The following CNTNAP5 variants were observed in gnomAD, a reference collection of about 807,000 sequenced individuals.
The protein encoded by CNTNAP5 is contactin associated protein family member 5, also known as contactin-associated protein-like 5.
Under a neutral mutation model 150.2 loss-of-function variants are expected in CNTNAP5, and 72 were observed. The ratio of observed to expected loss-of-function variants is 0.48; its 90% CI spans 0.40 to 0.58. The LOEUF is 0.58. CNTNAP5 is among the 20% of genes least tolerant of loss of function. The probability of loss-of-function intolerance (pLI) is 0.00; values close to 1 mark genes in which losing one functional copy is unlikely to be tolerated. For missense variants in CNTNAP5, 1,636 were observed against 1,626.2 expected, an observed-to-expected ratio of 1.01 and a Z score of -0.10; for synonymous variants, 672 against 619.8, an observed-to-expected ratio of 1.08 and a Z score of -1.25.
intron 1 of CNTNAP5, among the ~76,000 whole-genome samples, chr2:124,079,642 G>T (rs1257636959): frequency 6.6e-6 from 1 of 152,152 alleles, no homozygotes. Flanking sequence ...GAAAATATCA[G>T]AAGTGTGTGG....
At chr2:124,344,653 G>A (rs1424949131) in intron 3 of CNTNAP5, among the ~76,000 whole-genome samples, 2 of 152,162 alleles carry the variant, frequency 1.3e-5, no homozygotes, top group Non-Finnish European at 2.9e-5. Flanking sequence ...CTCCTCAGGA[G>A]GCTAAGGCAG....
intron 11 of CNTNAP5, among the ~76,000 whole-genome samples, chr2:124,583,398 T>G (rs1385006555): frequency 6.6e-6 from 1 of 152,238 alleles, no homozygotes; most frequent in Non-Finnish European, 1.5e-5. Flanking sequence ...TCATTTCCCC[T>G]CACTGGATCT....
intron 3 of CNTNAP5, among the ~76,000 whole-genome samples, chr2:124,321,467 A>G (rs1225626489): frequency 6.6e-6 from 1 of 152,024 alleles, no homozygotes; most frequent in Non-Finnish European, 1.5e-5. Flanking sequence ...GAAAAAGAAA[A>G]AGAAAAAAAG....
At chr2:124,829,755 A>G (rs1469121426) in intron 19 of CNTNAP5, among the ~76,000 whole-genome samples, 1 of 151,956 alleles carries the variant, frequency 6.6e-6, no homozygotes, top group African/African-American at 2.4e-5. Context: ...TTTAGAGAAT[A>G]CTTCAAAATA....
At chr2:124,838,763 G>T (rs1268181962) in intron 19 of CNTNAP5, among the ~76,000 whole-genome samples, 2 of 152,058 alleles carry the variant, frequency 1.3e-5, no homozygotes, top group Admixed American at 1.3e-4. Flanking sequence ...AAAAATAGTG[G>T]TTAAATTGAT....
intron 4 of CNTNAP5, among the ~76,000 whole-genome samples, chr2:124,431,483 A>G (rs965057109): frequency 6.8e-6 from 1 of 147,112 alleles, no homozygotes; most frequent in Non-Finnish European, 1.5e-5. Flanking sequence ...CTCCATAACC[A>G]TTGCTTGGAC....
chr2:124,661,831 C>G (rs1267216577), intron 13 of CNTNAP5, among the ~76,000 whole-genome samples: 1 of 151,712 alleles, frequency 6.6e-6, no homozygotes, highest in Non-Finnish European at 1.5e-5. Flanking sequence ...CCATTATAAT[C>G]TTTTATAAAT....
chr2:124,868,538 G>A (rs1450593820), intron 20 of CNTNAP5, among the ~76,000 whole-genome samples: 1 of 152,078 alleles, frequency 6.6e-6, no homozygotes, highest in Non-Finnish European at 1.5e-5. Flanking sequence ...ATTTAATAGA[G>A]CAACCTATTT....
intron 1 of CNTNAP5, among the ~76,000 whole-genome samples, chr2:124,107,311 C>A (rs1683190911): frequency 6.6e-6 from 1 of 152,186 alleles, no homozygotes; most frequent in African/African-American, 2.4e-5. Context: ...CTTCCAGAGG[C>A]ATCCAGACCA....
rs78622067 is a variant in CNTNAP5 at position 124,101,793 on chromosome 2, A to G, written c.82+76061A>G. Among the ~76,000 whole-genome samples, 201 of 152,340 alleles carry G rather than the reference A, an allele frequency of 1.3e-3. 1 individual carries two copies. Among genetic ancestry groups the G allele is most frequent in the African/African-American group, 4.5e-3 (189 of 41,578 alleles). ...GGACTAAGACAGAGACTGCAATTCA[A>G]TGTTAACAACCTGGGGTACCTAAAT... On this transcript the variant is annotated intron_variant, in intron 1 of 23. Transcript: ENST00000682447.
chr2:124,348,550 T>C (rs1181123365), intron 3 of CNTNAP5, among the ~76,000 whole-genome samples: 1 of 152,170 alleles, frequency 6.6e-6, no homozygotes, highest in Non-Finnish European at 1.5e-5. Context: ...TTACTAAAAC[T>C]GTATAATTAT....
At chr2:124,826,470 C>T (rs1682594580) in intron 19 of CNTNAP5, among the ~76,000 whole-genome samples, 1 of 152,006 alleles carries the variant, frequency 6.6e-6, no homozygotes, top group African/African-American at 2.4e-5. Context: ...AGATTCCCAG[C>T]CCCTCCCTGG....
chr2:124,129,211 A>G (rs1683788952), intron 1 of CNTNAP5, among the ~76,000 whole-genome samples: 1 of 152,172 alleles, frequency 6.6e-6, no homozygotes, highest in African/African-American at 2.4e-5. Flanking sequence ...TTTAATTCAT[A>G]ATAAAAAGAG....
At chr2:124,449,007 CTAGTGGGA>C (rs1431326536) in intron 6 of CNTNAP5, among the ~76,000 whole-genome samples, 1 of 152,176 alleles carries the variant, frequency 6.6e-6, no homozygotes, top group East Asian at 1.9e-4. Flanking sequence ...ACTTCAATCA[CTAGTGGGA>C]TAGATAATAG....
intron 1 of CNTNAP5, among the ~76,000 whole-genome samples, chr2:124,054,808 G>A (rs1038828448): frequency 2.0e-5 from 3 of 152,070 alleles, no homozygotes; most frequent in Non-Finnish European, 4.4e-5. Context: ...AGAAATACTT[G>A]CCTTTTCTAT....
At chr2:124,202,938 T>C (rs1352260886) in intron 1 of CNTNAP5, among the ~76,000 whole-genome samples, 1 of 152,100 alleles carries the variant, frequency 6.6e-6, no homozygotes, top group Admixed American at 6.6e-5. Context: ...CCAAATCTCA[T>C]ATCCTCGCAT....
intron 13 of CNTNAP5, among the ~76,000 whole-genome samples, chr2:124,657,570 G>C (rs539066851): frequency 6.6e-6 from 1 of 152,178 alleles, no homozygotes; most frequent in Non-Finnish European, 1.5e-5. Flanking sequence ...GGATATCCCA[G>C]CCTGCAGCCA....
intron 19 of CNTNAP5, among the ~76,000 whole-genome samples, chr2:124,818,670 C>T (rs573828742): frequency 4.7e-4 from 71 of 152,278 alleles, no homozygotes; most frequent in Middle Eastern, 3.4e-3. Context: ...CCACTCCATC[C>T]GCTCCTGTAG....
intron 13 of CNTNAP5, among the ~76,000 whole-genome samples, chr2:124,731,588 A>C (rs573261424): frequency 6.6e-6 from 1 of 152,054 alleles, no homozygotes; most frequent in South Asian, 2.1e-4. Context: ...GAAAGGAAGG[A>C]GGGAGAGAGA....
Sources: allele counts gnomAD v4.1 joint callset (sites outside exome capture counted in the v4.1 genomes callset), GRCh38; gene constraint gnomAD v4.1.1; transcripts MANE v1.5; gene names NCBI Gene and HGNC (gene_info 2026-07-23, HGNC 2026-07-21).